Variants in TENM1 observed in about 807,000 individuals in gnomAD.
TENM1 encodes teneurin transmembrane protein 1.
A neutral mutation model predicts 174.8 loss-of-function variants in TENM1; 35 were observed. That is an observed-to-expected ratio of 0.20 (90% CI 0.15 to 0.27). TENM1 has a LOEUF of 0.27. TENM1 is among the 10% of genes least tolerant of loss of function. TENM1 has a pLI of 1.00. For synonymous variants in TENM1, 781 were observed against 798.7 expected, an observed-to-expected ratio of 0.98 and a Z score of 0.37; for missense variants, 1,633 against 2,130.1, an observed-to-expected ratio of 0.77 and a Z score of 4.59.
chrX:125,196,592 C>A, the TENM1 span, among the ~76,000 whole-genome samples: 1 of 111,525 alleles, frequency 9.0e-6, no homozygotes, highest in African/African-American at 3.3e-5. Flanking sequence ...TGACCACAAA[C>A]TTTTTGTTGA....
At chrX:124,409,992 C>G (rs2060514513) in intron 25 of TENM1, among the ~76,000 whole-genome samples, 2 of 109,603 alleles carry the variant, frequency 1.8e-5, no homozygotes, top group Admixed American at 1.9e-4. Flanking sequence ...CTACCAATGA[C>G]TTTCTTCACA....
At chrX:124,570,864 A>T (rs2049039377) in intron 11 of TENM1, among the ~76,000 whole-genome samples, 1 of 111,701 alleles carries the variant, frequency 9.0e-6, no homozygotes, top group Non-Finnish European at 1.9e-5. Flanking sequence ...CTGAGAAAAG[A>T]TGCCTATGAT....
chrX:125,031,956 G>T, the TENM1 span, among the ~76,000 whole-genome samples: 1 of 111,554 alleles, frequency 9.0e-6, no homozygotes, highest in Non-Finnish European at 1.9e-5. Flanking sequence ...AGAAGTGAAA[G>T]AAAACATTAA....
chrX:124,967,917 G>A (rs2058746733), upstream of TENM1, among the ~76,000 whole-genome samples: 1 of 111,644 alleles, frequency 9.0e-6, no homozygotes, highest in Non-Finnish European at 1.9e-5. Flanking sequence ...TGTGAGAGCT[G>A]AACTATAAAA....
At chrX:125,143,848 T>G in the TENM1 span, among the ~76,000 whole-genome samples, 1 of 111,945 alleles carries the variant, frequency 8.9e-6, no homozygotes, top group Non-Finnish European at 1.9e-5. Flanking sequence ...ACATATGGAT[T>G]TTAAAAATCT....
At chrX:125,046,016 G>A in the TENM1 span, among the ~76,000 whole-genome samples, 1 of 110,266 alleles carries the variant, frequency 9.1e-6, no homozygotes, top group Admixed American at 9.7e-5. Context: ...GAGGTAGTTT[G>A]GGAAAAGCAA....
intron 11 of TENM1, among the ~76,000 whole-genome samples, chrX:124,588,639 A>C (rs1175964813): frequency 1.8e-5 from 2 of 110,644 alleles, no homozygotes; most frequent in Non-Finnish European, 3.8e-5. Context: ...ACATGTATAC[A>C]TATGTAACTA....
At chrX:124,427,499 T>C (rs954036210) in intron 23 of TENM1, among the ~76,000 whole-genome samples, 1 of 112,337 alleles carries the variant, frequency 8.9e-6, no homozygotes, top group Non-Finnish European at 1.9e-5. Context: ...TGAGCCATTT[T>C]CTATACAAAC....
At chrX:124,913,172 T>C (rs1341375432) in intron 1 of TENM1, among the ~76,000 whole-genome samples, 1 of 111,398 alleles carries the variant, frequency 9.0e-6, no homozygotes, top group Non-Finnish European at 1.9e-5. Flanking sequence ...CTACTATACA[T>C]TTATATACGT....
intron 4 of TENM1, among the ~76,000 whole-genome samples, chrX:124,707,061 C>T (rs2052924717): frequency 9.1e-6 from 1 of 110,141 alleles, no homozygotes; most frequent in African/African-American, 3.3e-5. Flanking sequence ...CACTGCACTC[C>T]AGCCTGTAAC....
At chrX:125,071,488 T>C in the TENM1 span, among the ~76,000 whole-genome samples, 2 of 112,013 alleles carry the variant, frequency 1.8e-5, no homozygotes, top group Non-Finnish European at 3.8e-5. Context: ...GCAATTATGT[T>C]CACTTAACTG....
chrX:124,398,707 A>C (rs1307796316), intron 27 of TENM1, among the ~76,000 whole-genome samples: 1 of 111,183 alleles, frequency 9.0e-6, no homozygotes, highest in East Asian at 2.8e-4. Context: ...TACACACAGT[A>C]GGAGTCACCA....
intron 4 of TENM1, among the ~76,000 whole-genome samples, chrX:124,717,391 C>T (rs958306383): frequency 4.5e-5 from 5 of 111,842 alleles, no homozygotes; most frequent in African/African-American, 1.6e-4. Context: ...CGTATTCTCT[C>T]TTTCTCACTC....
At chrX:124,422,148 C>A in intron 24 of TENM1, 124 bp downstream of exon 27, 1 of 893,646 alleles carries the variant, frequency 1.1e-6, no homozygotes, top group East Asian at 3.2e-5. Context: ...TCGCTTTCTC[C>A]ACTAGCTCAT....
At chrX:124,694,904 T>C (rs2052613349) in intron 5 of TENM1, among the ~76,000 whole-genome samples, 1 of 112,222 alleles carries the variant, frequency 8.9e-6, no homozygotes, top group Admixed American at 9.4e-5. Context: ...ATAGTGAGTA[T>C]CTCACTTCTT....
intron 11 of TENM1, among the ~76,000 whole-genome samples, chrX:124,570,890 A>G (rs1476563765): frequency 1.8e-5 from 2 of 111,651 alleles, no homozygotes; most frequent in Admixed American, 9.5e-5. Flanking sequence ...TTTCTACACA[A>G]TATAATTCTG....
the TENM1 span, among the ~76,000 whole-genome samples, chrX:125,144,567 A>C: frequency 4.5e-4 from 50 of 111,346 alleles, no homozygotes; most frequent in African/African-American, 1.5e-3. Flanking sequence ...CATCTTAACT[A>C]ATTTGGAACT....
At chrX:125,184,367 A>T in the TENM1 span, among the ~76,000 whole-genome samples, 1 of 111,662 alleles carries the variant, frequency 9.0e-6, no homozygotes, top group Admixed American at 9.5e-5. Flanking sequence ...TATATGCAAA[A>T]TCTCGACTTA....
the TENM1 span, among the ~76,000 whole-genome samples, chrX:125,088,587 T>A: frequency 9.0e-6 from 1 of 111,261 alleles, no homozygotes; most frequent in African/African-American, 3.3e-5. Flanking sequence ...TTTTTAAAAT[T>A]TTTTTTAAAG....
Sources: allele counts gnomAD v4.1 joint callset (sites outside exome capture counted in the v4.1 genomes callset), GRCh38; gene constraint gnomAD v4.1.1; transcripts MANE v1.5; gene names NCBI Gene and HGNC (gene_info 2026-07-23, HGNC 2026-07-21).